The following RSPO3 variants were observed in gnomAD, a reference collection of about 807,000 sequenced individuals.
The protein encoded by RSPO3 is R-spondin-3.
In RSPO3, 17 loss-of-function variants were observed where a neutral mutation model predicts 36.5. That is an observed-to-expected ratio of 0.47 (90% CI 0.32 to 0.70). The LOEUF is 0.70. Ranked by LOEUF, RSPO3 falls within the 30% of genes least tolerant of loss-of-function variation. RSPO3 has a pLI of 0.04. For synonymous variants in RSPO3, 108 were observed against 107.0 expected, an observed-to-expected ratio of 1.01 and a Z score of -0.06; for missense variants, 294 against 322.5, an observed-to-expected ratio of 0.91 and a Z score of 0.68.
intron 4 of RSPO3, among the ~76,000 whole-genome samples, chr6:127,188,698 G>A (rs1349537160): frequency 1.3e-5 from 2 of 152,096 alleles, no homozygotes; most frequent in East Asian, 3.9e-4. Context: ...AGATAGTGCT[G>A]AATGGTGCTG....
chr6:127,174,110 T>C (rs1774998677), intron 4 of RSPO3, among the ~76,000 whole-genome samples: 1 of 151,892 alleles, frequency 6.6e-6, no homozygotes, highest in Non-Finnish European at 1.5e-5. Context: ...TGTGTGTTTG[T>C]GATACCTTGC....
chr6:127,144,643 G>GTTTTTTTTTTTTGTT (rs1554220625), intron 1 of RSPO3, among the ~76,000 whole-genome samples: 2 of 99,130 alleles, frequency 2.0e-5, no homozygotes, highest in East Asian at 6.8e-4. Context: ...GCTTCCCCTT[G>GTTTTTTTTTTTTGTT]TTTTTTTTTT....
chr6:127,166,592 A>T (rs566380415), intron 4 of RSPO3, among the ~76,000 whole-genome samples: 13 of 152,158 alleles, frequency 8.5e-5, no homozygotes, highest in Non-Finnish European at 1.5e-4. Flanking sequence ...GTATGTATAA[A>T]ACTTTCAGAC....
At chr6:127,129,715 G>C (rs1774012757) in intron 1 of RSPO3, among the ~76,000 whole-genome samples, 1 of 152,060 alleles carries the variant, frequency 6.6e-6, no homozygotes, top group African/African-American at 2.4e-5. Context: ...AGTATGTGCA[G>C]TTTATGTCAC....
chr6:127,139,186 T>C (rs1386723687), intron 1 of RSPO3, among the ~76,000 whole-genome samples: 3 of 152,218 alleles, frequency 2.0e-5, no homozygotes, highest in Non-Finnish European at 4.4e-5. Flanking sequence ...ATCACTTATT[T>C]TCCTTGCTCA....
At chr6:127,135,332 A>G (rs986074850) in intron 1 of RSPO3, among the ~76,000 whole-genome samples, 12 of 151,530 alleles carry the variant, frequency 7.9e-5, no homozygotes, top group African/African-American at 2.7e-4. Flanking sequence ...GAGGCAGGAG[A>G]ATTGCTTGAA....
intron 1 of RSPO3, among the ~76,000 whole-genome samples, chr6:127,134,917 A>G (rs1774123657): frequency 6.6e-6 from 1 of 152,186 alleles, no homozygotes; most frequent in Admixed American, 6.5e-5. Context: ...CTTTCCCAAT[A>G]CACCCTGCTT....
chr6:127,194,469 A>G (rs1401598531), intron 4 of RSPO3, among the ~76,000 whole-genome samples: 1 of 152,160 alleles, frequency 6.6e-6, no homozygotes, highest in Non-Finnish European at 1.5e-5. Context: ...ATATGTGTTC[A>G]TGGATGTTAC....
At chr6:127,150,336 T>C (rs1013110964) in intron 2 of RSPO3, 90 bp from the exon 3 acceptor site, 1 of 1,245,950 alleles carries the variant, frequency 8.0e-7, no homozygotes, top group African/African-American at 1.5e-5. Flanking sequence ...GATACTAAAG[T>C]TGTGTGTGGC....
At chr6:127,177,883 T>G (rs545410943) in intron 4 of RSPO3, among the ~76,000 whole-genome samples, 2 of 151,800 alleles carry the variant, frequency 1.3e-5, no homozygotes, top group South Asian at 4.2e-4. Flanking sequence ...TTTGTGTTAT[T>G]ATAGTTCTCT....
chr6:127,196,020 G>A lies in RSPO3; in HGVS notation c.*13G>A. On this transcript the variant is annotated 3_prime_UTR_variant, in exon 5 of 5. Transcript: ENST00000356698. ...CACTGTACACTAGAGGGTTCCATGA[G>A]ATTATTGTAGACTCATGATGCTGCT... is the stretch of plus-strand genomic sequence containing the variant. 6.3e-7 allele frequency: 1 copy of A among 1,587,930 alleles called. No individual in the cohort carries two copies. The highest frequency in any genetic ancestry group is 1.3e-5 in the African/African-American group (1 of 74,290).
intron 4 of RSPO3, among the ~76,000 whole-genome samples, chr6:127,172,553 T>C (rs904740670): frequency 6.6e-6 from 1 of 151,708 alleles, no homozygotes; most frequent in Non-Finnish European, 1.5e-5. Context: ...GAATTACACT[T>C]GGACTCAAAA....
At chr6:127,151,199 T>TA (rs1041183715) in intron 3 of RSPO3, among the ~76,000 whole-genome samples, 1 of 151,906 alleles carries the variant, frequency 6.6e-6, no homozygotes, top group Non-Finnish European at 1.5e-5. Context: ...TGATACATAA[T>TA]AAAAAGGATT....
intron 4 of RSPO3, among the ~76,000 whole-genome samples, chr6:127,191,697 C>T (rs1458428592): frequency 6.6e-6 from 1 of 152,186 alleles, no homozygotes; most frequent in Non-Finnish European, 1.5e-5. Flanking sequence ...TCTACAGCAT[C>T]TTATTACTTA....
chr6:127,120,519 C>T (rs1446101543), intron 1 of RSPO3, among the ~76,000 whole-genome samples: 2 of 152,258 alleles, frequency 1.3e-5, no homozygotes. Flanking sequence ...CTCCCAGCGT[C>T]CCGCCCGGGA....
At chr6:127,175,272 A>G (rs1775028793) in intron 4 of RSPO3, among the ~76,000 whole-genome samples, 1 of 151,776 alleles carries the variant, frequency 6.6e-6, no homozygotes, top group Non-Finnish European at 1.5e-5. Context: ...CTTAGAAAAT[A>G]GAATTCCTTT....
At chr6:127,143,248 A>C (rs1041714247) in intron 1 of RSPO3, among the ~76,000 whole-genome samples, 1 of 152,188 alleles carries the variant, frequency 6.6e-6, no homozygotes, top group African/African-American at 2.4e-5. Flanking sequence ...TCTATAGAGG[A>C]AAAAAGAAGA....
intron 1 of RSPO3, among the ~76,000 whole-genome samples, chr6:127,133,612 T>C (rs560289786): frequency 6.6e-6 from 1 of 152,052 alleles, no homozygotes; most frequent in African/African-American, 2.4e-5. Context: ...TAACCTTAGA[T>C]AGTTGCCCGT....
intron 1 of RSPO3, among the ~76,000 whole-genome samples, chr6:127,144,643 G>GTTTTTTTTTTTTTTTT (rs56388820): frequency 0.022 from 2,209 of 98,778 alleles, 407 homozygotes; most frequent in East Asian, 0.063. Context: ...GCTTCCCCTT[G>GTTTTTTTTTTTTTTTT]TTTTTTTTTT....
Sources: allele counts gnomAD v4.1 joint callset (sites outside exome capture counted in the v4.1 genomes callset), GRCh38; gene constraint gnomAD v4.1.1; transcripts MANE v1.5; gene names NCBI Gene and HGNC (gene_info 2026-07-23, HGNC 2026-07-21).